The following FNDC3B variants were observed in gnomAD, a reference collection of about 807,000 sequenced individuals.
FNDC3B encodes fibronectin type III domain containing 3B, also known as fibronectin type III domain-containing protein 3B.
In FNDC3B, 12 loss-of-function variants were observed where a neutral mutation model predicts 151.5. That is an observed-to-expected ratio of 0.08 (90% CI 0.05 to 0.13). The LOEUF (loss-of-function observed/expected upper bound fraction) is 0.13. Ranked by LOEUF, FNDC3B falls within the 10% of genes least tolerant of loss-of-function variation. The pLI is 1.00. For missense variants in FNDC3B, 1,214 were observed against 1,505.3 expected (o/e 0.81, Z 3.20); for synonymous variants, 528 against 549.0 (o/e 0.96, Z 0.54).
At chr3:172,309,979 C>A (rs892304490) in intron 10 of FNDC3B, among the ~76,000 whole-genome samples, 10 of 152,118 alleles carry the variant, frequency 6.6e-5, no homozygotes, top group Admixed American at 5.9e-4. Context: ...TAGGCTCTTG[C>A]TCTTTCCTAG....
At chr3:172,137,066 C>A (rs1721407963) in intron 3 of FNDC3B, among the ~76,000 whole-genome samples, 1 of 152,104 alleles carries the variant, frequency 6.6e-6, no homozygotes, top group South Asian at 2.1e-4. Flanking sequence ...ATTTTGAAGT[C>A]ATACCCATTG....
chr3:172,175,727 T>C (rs1186499428), intron 3 of FNDC3B, among the ~76,000 whole-genome samples: 1 of 152,226 alleles, frequency 6.6e-6, no homozygotes. Context: ...AAAGCCGATA[T>C]GTAAACACAT....
intron 1 of FNDC3B, among the ~76,000 whole-genome samples, chr3:172,065,764 G>A (rs746208541): frequency 2.1e-4 from 32 of 152,242 alleles, no homozygotes; most frequent in Non-Finnish European, 4.0e-4. Context: ...AAGTCAGAAA[G>A]TATATTGCAG....
intron 11 of FNDC3B, among the ~76,000 whole-genome samples, chr3:172,313,464 A>G (rs1189602820): frequency 6.6e-6 from 1 of 152,220 alleles, no homozygotes; most frequent in East Asian, 1.9e-4. Flanking sequence ...CAGATTATTT[A>G]GGATTGTCTC....
chr3:172,117,494 G>A (rs79185277), intron 2 of FNDC3B, among the ~76,000 whole-genome samples: 23 of 152,134 alleles, frequency 1.5e-4, no homozygotes, highest in African/African-American at 5.6e-4. Context: ...ACTTTTTATT[G>A]ATTTAATATT....
Position 172,120,808 on chromosome 3 carries a change from C to T in FNDC3B, c.111+8218C>T, listed in dbSNP as rs565249004. ...TGACCAACACGGTGAAACCCCGTCT[C>T]TACCAAATTGCCGGGCGTGATGCTG... On this transcript the variant is annotated intron_variant, in intron 2 of 25. Transcript: ENST00000415807. Among the ~76,000 whole-genome samples the T allele has an allele frequency of 9.9e-5, 15 of 152,156 alleles. No homozygotes were observed. The East Asian group carries it at 2.9e-3, about 29-fold the overall frequency.
intron 2 of FNDC3B, among the ~76,000 whole-genome samples, chr3:172,120,574 GGGT>G (rs1720485674): frequency 6.6e-6 from 1 of 151,710 alleles, no homozygotes; most frequent in African/African-American, 2.4e-5. Context: ...GCATGGGGGG[GGGT>G]GTGTGTGTTG....
At chr3:172,132,711 T>C (rs1006800022) in intron 2 of FNDC3B, among the ~76,000 whole-genome samples, 3 of 152,196 alleles carry the variant, frequency 2.0e-5, no homozygotes. Flanking sequence ...CTATAGTTTT[T>C]TAAGTTGTAT....
At chr3:172,061,285 T>G (rs977862958) in intron 1 of FNDC3B, among the ~76,000 whole-genome samples, 3 of 150,590 alleles carry the variant, frequency 2.0e-5, no homozygotes, top group Non-Finnish European at 4.4e-5. Context: ...CAGGCTAGAG[T>G]GCAGTGGCGT....
chr3:172,344,052 G>A (rs745824766), intron 18 of FNDC3B, 34 bp from the exon 19 acceptor site: 7 of 1,574,426 alleles, frequency 4.4e-6, no homozygotes, highest in Non-Finnish European at 6.1e-6. Context: ...GAAGCACAAA[G>A]TGTTCTAAGA....
chr3:172,335,153 T>A, intron 15 of FNDC3B, 71 bp downstream of exon 15: 1 of 1,462,890 alleles, frequency 6.8e-7, no homozygotes, highest in Non-Finnish European at 9.1e-7. Flanking sequence ...AAATGATTCA[T>A]TTTAGTAGTG....
At chr3:172,128,369 C>T (rs1053794979) in intron 2 of FNDC3B, among the ~76,000 whole-genome samples, 17 of 152,176 alleles carry the variant, frequency 1.1e-4, no homozygotes, top group African/African-American at 2.9e-4. Context: ...ATTTGGCATT[C>T]GCACCCCATC....
chr3:172,068,516 C>G (rs536912038), intron 1 of FNDC3B, among the ~76,000 whole-genome samples: 1 of 151,584 alleles, frequency 6.6e-6, no homozygotes, highest in African/African-American at 2.4e-5. Context: ...CTCCGCCACC[C>G]GGGTTCAAGC....
chr3:172,236,434 A>C (rs1338940329), intron 4 of FNDC3B, among the ~76,000 whole-genome samples: 1 of 152,160 alleles, frequency 6.6e-6, no homozygotes, highest in African/African-American at 2.4e-5. Context: ...AGATCTTCTG[A>C]GTTTTATGCA....
chr3:172,152,206 T>C lies in FNDC3B; in HGVS notation c.187+18660T>C, dbSNP rs142428205. ...ACAAAAATCGCTGGTTTTGCAGCCA[T>C]AGGTGGCCTCCTGGCTCTGTGTGGT... On this transcript the variant is annotated intron_variant, in intron 3 of 25. Coordinates refer to ENST00000415807, the MANE Select transcript of FNDC3B (RefSeq NM_022763.4). Among the ~76,000 whole-genome samples, 768 of 152,342 alleles carry C rather than the reference T, an allele frequency of 5.0e-3. 6 individuals are homozygous for C. The highest frequency in any genetic ancestry group is 7.9e-3 in the Non-Finnish European group (538 of 68,026).
At chr3:172,259,804 A>G (rs1489108424) in intron 6 of FNDC3B, among the ~76,000 whole-genome samples, 1 of 152,180 alleles carries the variant, frequency 6.6e-6, no homozygotes, top group Non-Finnish European at 1.5e-5. Context: ...TGTTTTAAAG[A>G]TGTTTACTAC....
At chr3:172,347,397 C>G (rs1401097080) in intron 21 of FNDC3B, 36 bp downstream of exon 21, 1 of 1,524,862 alleles carries the variant, frequency 6.6e-7, no homozygotes, top group Non-Finnish European at 8.9e-7. Flanking sequence ...CTCACAAGGA[C>G]TGCTGTCCCA....
intron 4 of FNDC3B, among the ~76,000 whole-genome samples, chr3:172,246,461 G>A (rs1159406831): frequency 6.6e-6 from 1 of 152,238 alleles, no homozygotes; most frequent in African/African-American, 2.4e-5. Context: ...GGTATCTGTT[G>A]TGTTAGTTAT....
intron 3 of FNDC3B, among the ~76,000 whole-genome samples, chr3:172,137,744 A>G (rs956571352): frequency 1.3e-5 from 2 of 152,234 alleles, no homozygotes; most frequent in African/African-American, 4.8e-5. Flanking sequence ...ATTCATTTCT[A>G]ATGGAATATT....
Sources: allele counts gnomAD v4.1 joint callset (sites outside exome capture counted in the v4.1 genomes callset), GRCh38; gene constraint gnomAD v4.1.1; transcripts MANE v1.5; gene names NCBI Gene and HGNC (gene_info 2026-07-23, HGNC 2026-07-21).